The following PCDH17 variants were observed in gnomAD, a reference collection of about 807,000 sequenced individuals.
PCDH17 encodes protocadherin 17, also known as protocadherin-17.
PCDH17 carries 21 observed loss-of-function variants against 67.7 expected under a neutral mutation model. The ratio of observed to expected loss-of-function variants is 0.31; its 90% CI spans 0.22 to 0.45. The LOEUF is 0.45. PCDH17 is among the 20% of genes least tolerant of loss of function. PCDH17 has a pLI of 1.00. For missense variants in PCDH17, 1,471 were observed against 1,564.8 expected (o/e 0.94, Z 1.01); for synonymous variants, 701 against 656.7 (o/e 1.07, Z -1.03).
chr13:57,693,467 T>A (rs1244914185), intron 3 of PCDH17, among the ~76,000 whole-genome samples: 1 of 149,332 alleles, frequency 6.7e-6, no homozygotes, highest in East Asian at 1.9e-4. Context: ...CTTAGAGGAA[T>A]TGCAGATAGG....
chr13:57,642,851 T>A (rs759629817), intron 1 of PCDH17, among the ~76,000 whole-genome samples: 22 of 151,632 alleles, frequency 1.5e-4, no homozygotes, highest in Non-Finnish European at 7.4e-5. Context: ...ATAGCTTTCT[T>A]ATTGTTATAA....
chr13:57,699,468 A>C (rs956354122), intron 3 of PCDH17, among the ~76,000 whole-genome samples: 6 of 151,954 alleles, frequency 3.9e-5, no homozygotes, highest in African/African-American at 1.4e-4. Flanking sequence ...CTTGTTTTGT[A>C]TGATTTATTT....
intron 1 of PCDH17, among the ~76,000 whole-genome samples, chr13:57,662,301 A>C (rs1011510672): frequency 6.6e-6 from 1 of 152,144 alleles, no homozygotes; most frequent in Non-Finnish European, 1.5e-5. Flanking sequence ...ATACACAGAA[A>C]ATTTTTCTGA....
chr13:57,713,989 G>A (rs1244273385), intron 3 of PCDH17, among the ~76,000 whole-genome samples: 3 of 151,566 alleles, frequency 2.0e-5, no homozygotes, highest in African/African-American at 4.8e-5. Flanking sequence ...GTTAACAAAG[G>A]AAACTTTAGA....
intron 3 of PCDH17, among the ~76,000 whole-genome samples, chr13:57,675,920 A>T (rs1955386553): frequency 6.6e-6 from 1 of 151,918 alleles, no homozygotes; most frequent in South Asian, 2.1e-4. Flanking sequence ...AGAGTAGTGA[A>T]GAGGTAGGAG....
At chr13:57,702,951 G>C (rs1445663725) in intron 3 of PCDH17, among the ~76,000 whole-genome samples, 1 of 152,108 alleles carries the variant, frequency 6.6e-6, no homozygotes, top group Non-Finnish European at 1.5e-5. Context: ...AAGTATGTAA[G>C]TGTTTGTAAC....
chr13:57,648,823 G>A (rs1026036858), intron 1 of PCDH17, among the ~76,000 whole-genome samples: 1 of 152,070 alleles, frequency 6.6e-6, no homozygotes, highest in African/African-American at 2.4e-5. Context: ...TAGTATTTCA[G>A]GTGGTTATCT....
intron 3 of PCDH17, among the ~76,000 whole-genome samples, chr13:57,712,825 A>C (rs1823503564): frequency 1.3e-5 from 2 of 151,548 alleles, no homozygotes; most frequent in Admixed American, 6.6e-5. Flanking sequence ...AATTGCTTAT[A>C]TATTTCTATT....
intron 1 of PCDH17, among the ~76,000 whole-genome samples, chr13:57,651,185 A>G (rs1329243243): frequency 3.3e-5 from 5 of 152,200 alleles, no homozygotes; most frequent in Non-Finnish European, 7.4e-5. Flanking sequence ...AACACAGCAT[A>G]GTAAACTGCA....
chr13:57,672,033 G>C (rs1955328930), intron 3 of PCDH17, among the ~76,000 whole-genome samples: 1 of 151,964 alleles, frequency 6.6e-6, no homozygotes, highest in Non-Finnish European at 1.5e-5. Context: ...TCTACTGTTA[G>C]AAAATCTGTC....
intron 3 of PCDH17, among the ~76,000 whole-genome samples, chr13:57,677,358 A>G (rs983057393): frequency 6.6e-6 from 1 of 151,910 alleles, no homozygotes; most frequent in Non-Finnish European, 1.5e-5. Context: ...AAGAGGAAGG[A>G]TAGAATACTA....
rs149483776 is a variant in PCDH17, at chr13:57,687,070, A to G, written c.2797+20237A>G. ...GCCATCACTAAATGAGTAATCTCTA[A>G]TATGTATTCAGAATGGTTAAATAAT... On this transcript the variant is annotated intron_variant, in intron 3 of 3. Transcript: ENST00000377918. 4.8e-3 allele frequency among the ~76,000 whole-genome samples: 726 copies of G among 152,194 alleles called. 8 individuals carry two copies. Among genetic ancestry groups the G allele is most frequent in the African/African-American group, 0.014 (586 of 41,562 alleles).
At chr13:57,662,078 G>C (rs1484837503) in intron 1 of PCDH17, among the ~76,000 whole-genome samples, 1 of 152,024 alleles carries the variant, frequency 6.6e-6, no homozygotes, top group Non-Finnish European at 1.5e-5. Context: ...TGTTGACCAG[G>C]CTGGTCTCGA....
At chr13:57,653,985 T>C (rs1323502819) in intron 1 of PCDH17, among the ~76,000 whole-genome samples, 2 of 152,142 alleles carry the variant, frequency 1.3e-5, no homozygotes, top group African/African-American at 4.8e-5. Context: ...CACATGTACA[T>C]CTTGTGAGGG....
intron 3 of PCDH17, among the ~76,000 whole-genome samples, chr13:57,704,546 C>T (rs1421014995): frequency 1.3e-5 from 2 of 150,324 alleles, no homozygotes; most frequent in East Asian, 3.9e-4. Context: ...GCCCAGCTTG[C>T]TGACTCAAAT....
intron 3 of PCDH17, among the ~76,000 whole-genome samples, chr13:57,687,982 G>C (rs73519480): frequency 0.017 from 2,631 of 151,998 alleles, 68 homozygotes; most frequent in African/African-American, 0.059. Flanking sequence ...TGTGTAGAGA[G>C]AGACTGTCAA....
At chr13:57,707,675 T>C (rs1955733667) in intron 3 of PCDH17, among the ~76,000 whole-genome samples, 1 of 152,044 alleles carries the variant, frequency 6.6e-6, no homozygotes, top group Non-Finnish European at 1.5e-5. Flanking sequence ...ATTTATTATT[T>C]CATAGTTCTG....
intron 3 of PCDH17, among the ~76,000 whole-genome samples, chr13:57,689,482 C>A (rs1234602849): frequency 6.6e-6 from 1 of 151,842 alleles, no homozygotes; most frequent in African/African-American, 2.4e-5. Flanking sequence ...TGGTTAATTA[C>A]CTTATTGATG....
chr13:57,675,031 C>T (rs1955375069), intron 3 of PCDH17, among the ~76,000 whole-genome samples: 1 of 151,902 alleles, frequency 6.6e-6, no homozygotes, highest in African/African-American at 2.4e-5. Flanking sequence ...ATTCCCGTAA[C>T]ACACAATAGA....
Sources: allele counts gnomAD v4.1 joint callset (sites outside exome capture counted in the v4.1 genomes callset), GRCh38; gene constraint gnomAD v4.1.1; transcripts MANE v1.5; gene names NCBI Gene and HGNC (gene_info 2026-07-23, HGNC 2026-07-21).